Variants in MAPK8 observed in about 807,000 individuals in gnomAD.
MAPK8 encodes mitogen-activated protein kinase 8, also known as JUN N-terminal kinase.
Under a neutral mutation model 52.9 loss-of-function variants are expected in MAPK8, and 13 were observed. That is an observed-to-expected ratio of 0.25 (90% confidence interval 0.16 to 0.39). MAPK8 has a LOEUF of 0.39. Ranked by LOEUF, MAPK8 falls within the 10% of genes least tolerant of loss-of-function variation. The pLI, the probability that MAPK8 is intolerant of heterozygous loss-of-function variation, is 1.00. For synonymous variants in MAPK8, 191 were observed against 169.8 expected (o/e 1.12, Z -0.97); for missense variants, 300 against 519.2 (o/e 0.58, Z 4.10).
chr10:48,437,974 C>T lies in MAPK8; in HGVS notation c.*2945C>T, dbSNP rs144576948. 3.3e-5 allele frequency: 5 copies of T among 152,366 alleles called. No homozygotes were observed. In the East Asian group the frequency reaches 7.7e-4, roughly 23 times the overall value. The allele number at this position is 152,366 out of a possible 1,614,324, so 9.4% of individuals were successfully genotyped here. A position where few individuals can be genotyped will look rare whatever the true frequency, so the allele number is the denominator to read the frequency against. ...AAATCATCAGCAGGAAAGTGAAGCTCTTTCCTTGGTTACAGATAAGACTTG... is the reference window on the plus strand; with the variant it reads ...AAATCATCAGCAGGAAAGTGAAGCTTTTTCCTTGGTTACAGATAAGACTTG... On this transcript the variant is annotated 3_prime_UTR_variant, in exon 12 of 12. Coordinates refer to ENST00000374189, the MANE Select transcript of MAPK8 (RefSeq NM_001323329.2).
chr10:48,357,876 C>T (rs1250680850), intron 1 of MAPK8, among the ~76,000 whole-genome samples: 1 of 152,182 alleles, frequency 6.6e-6, no homozygotes, highest in Non-Finnish European at 1.5e-5. Context: ...TGTCCCATTT[C>T]CTTCCTGGTA....
intron 1 of MAPK8, among the ~76,000 whole-genome samples, chr10:48,379,220 T>A (rs957435545): frequency 4.6e-5 from 7 of 152,202 alleles, no homozygotes; most frequent in African/African-American, 1.7e-4. Context: ...TTGATATTCC[T>A]GAAACTCTCA....
intron 1 of MAPK8, among the ~76,000 whole-genome samples, chr10:48,386,848 G>GC (rs1015628701): frequency 1.3e-5 from 2 of 152,146 alleles, no homozygotes; most frequent in African/African-American, 4.8e-5. Flanking sequence ...TTACTTTACT[G>GC]CCAAGGATAT....
At chr10:48,392,123 G>A (rs112406981) in intron 1 of MAPK8, among the ~76,000 whole-genome samples, 2 of 152,150 alleles carry the variant, frequency 1.3e-5, no homozygotes, top group East Asian at 1.9e-4. Context: ...CTAACAGGCC[G>A]AGTGGAGAAA....
At chr10:48,414,281 T>C (rs1316477939) in intron 5 of MAPK8, among the ~76,000 whole-genome samples, 2 of 152,166 alleles carry the variant, frequency 1.3e-5, no homozygotes, top group African/African-American at 4.8e-5. Context: ...AATATTTCAC[T>C]GTATAGATAT....
chr10:48,384,657 G>A (rs1028659756), intron 1 of MAPK8, among the ~76,000 whole-genome samples: 3 of 152,206 alleles, frequency 2.0e-5, no homozygotes, highest in African/African-American at 4.8e-5. Context: ...GGGTTTGAAA[G>A]AACAGCCCAA....
At chr10:48,374,313 C>G (rs2040517161) in intron 1 of MAPK8, among the ~76,000 whole-genome samples, 1 of 151,984 alleles carries the variant, frequency 6.6e-6, no homozygotes, top group Non-Finnish European at 1.5e-5. Context: ...AATCGACACC[C>G]TAACATCACA....
chr10:48,404,778 T>C, intron 2 of MAPK8, 74 bp from the exon 3 acceptor site: 1 of 1,188,454 alleles, frequency 8.4e-7, no homozygotes, highest in East Asian at 2.4e-5. Flanking sequence ...GAAATGTATA[T>C]GACTGTTTCA....
rs1425115288 is a variant in MAPK8 at position 48,356,615 on chromosome 10, G to T, written c.-49-44997G>T. Among the ~76,000 whole-genome samples the T allele has an allele frequency of 3.9e-5, 6 of 152,174 alleles. No homozygotes were observed. The East Asian group carries it at 1.2e-3, about 29-fold the overall frequency. On this transcript the variant is annotated intron_variant, in intron 1 of 11. Transcript: ENST00000374189. ...CCAGAACTTCAGGAGGCCGAGGCAG[G>T]TGGATCACTTGAGGTCAAGAGTTCA...
At chr10:48,359,896 C>T (rs183055435) in intron 1 of MAPK8, among the ~76,000 whole-genome samples, 15 of 152,304 alleles carry the variant, frequency 9.8e-5, no homozygotes, top group Admixed American at 3.3e-4. Context: ...AAGGATTGAT[C>T]GGTTCAGCTA....
At chr10:48,341,565 GATTTC>G (rs1275644681) in intron 1 of MAPK8, among the ~76,000 whole-genome samples, 13 of 152,190 alleles carry the variant, frequency 8.5e-5, no homozygotes, top group African/African-American at 2.9e-4. Flanking sequence ...AGCTATAGTA[GATTTC>G]ATTTTTCAAT....
At chr10:48,421,616 G>A (rs2043360749) in intron 6 of MAPK8, among the ~76,000 whole-genome samples, 1 of 152,102 alleles carries the variant, frequency 6.6e-6, no homozygotes, top group African/African-American at 2.4e-5. Context: ...ACCAGCCTGA[G>A]CAACATGGCA....
chr10:48,395,842 C>G (rs1310494865), intron 1 of MAPK8, among the ~76,000 whole-genome samples: 1 of 152,022 alleles, frequency 6.6e-6, no homozygotes, highest in Non-Finnish European at 1.5e-5. Context: ...GTAGAGCCAA[C>G]TGAAGTTTGA....
intron 1 of MAPK8, among the ~76,000 whole-genome samples, chr10:48,351,541 A>G (rs896331172): frequency 2.6e-5 from 4 of 152,106 alleles, no homozygotes; most frequent in Non-Finnish European, 5.9e-5. Context: ...TCATCAAGAC[A>G]GTGCTTCAAC....
chr10:48,404,032 C>T (rs560642447), intron 2 of MAPK8, among the ~76,000 whole-genome samples: 2 of 152,040 alleles, frequency 1.3e-5, no homozygotes, highest in South Asian at 4.1e-4. Context: ...ATCTACCCGC[C>T]TCGGCCTCCC....
chr10:48,378,359 C>G (rs1339952368), intron 1 of MAPK8, among the ~76,000 whole-genome samples: 1 of 152,144 alleles, frequency 6.6e-6, no homozygotes, highest in Non-Finnish European at 1.5e-5. Flanking sequence ...TGAATCATCC[C>G]TAGTCTTTGG....
At chr10:48,318,792 T>A (rs1842731255) in intron 1 of MAPK8, among the ~76,000 whole-genome samples, 1 of 152,056 alleles carries the variant, frequency 6.6e-6, no homozygotes, top group South Asian at 2.1e-4. Context: ...CCTCAATGAA[T>A]AAGGAAGAAT....
Position 48,401,647 on chromosome 10 carries a change from A to G in MAPK8, c.-14A>G, listed in dbSNP as rs1249454254. 6.2e-7 allele frequency: 1 copy of G among 1,610,568 alleles called. No individual in the cohort carries two copies. The highest frequency in any genetic ancestry group is 8.5e-7 in the Non-Finnish European group (1 of 1,178,758). The stretch of plus-strand genomic sequence containing the variant: ...AATTTTTGGATGAAGCCATTAAATT[A>G]ATTGCTTGCCATCATGAGCAGAAGC... On this transcript the variant is annotated 5_prime_UTR_variant, in exon 2 of 12. It removes the in-frame stop codon of an upstream open reading frame in the 5' UTR. Transcript: ENST00000374189.
chr10:48,341,095 C>A (rs748045038), intron 1 of MAPK8, among the ~76,000 whole-genome samples: 44 of 152,198 alleles, frequency 2.9e-4, no homozygotes, highest in Non-Finnish European at 5.1e-4. Context: ...ATTACTCTAC[C>A]ATGTTAGAAG....
Sources: allele counts gnomAD v4.1 joint callset (sites outside exome capture counted in the v4.1 genomes callset), GRCh38; gene constraint gnomAD v4.1.1; transcripts MANE v1.5; gene names NCBI Gene and HGNC (gene_info 2026-07-23, HGNC 2026-07-21).